Variants in FAXC observed in about 807,000 individuals in gnomAD.
The protein encoded by FAXC is failed axon connections homolog, metaxin like GST domain containing.
Under a neutral mutation model 41.9 loss-of-function variants are expected in FAXC, and 10 were observed. That is an observed-to-expected ratio of 0.24 (90% CI 0.15 to 0.41). The LOEUF (loss-of-function observed/expected upper bound fraction) is 0.41, where lower values mean the gene tolerates loss of function less well. FAXC is among the 10% of genes least tolerant of loss of function. The pLI, the probability that FAXC is intolerant of heterozygous loss-of-function variation, is 1.00. For missense variants in FAXC, 399 were observed against 510.9 expected, an observed-to-expected ratio of 0.78 and a Z score of 2.11; for synonymous variants, 183 against 183.8, an observed-to-expected ratio of 1.00 and a Z score of 0.03.
At chr6:99,309,826 G>A (rs1582648889) in intron 4 of FAXC, 4 of 760,332 alleles carry the variant, frequency 5.3e-6, no homozygotes, top group Non-Finnish European at 6.4e-6. Flanking sequence ...GTAAGAGGGT[G>A]AGGTACTCAC....
Position 99,333,431 on chromosome 6 carries a change from C to T in FAXC, c.519G>A (p.Val173=), listed in dbSNP as rs1431945822. Residue 173 remains valine (V), a synonymous_variant, in exon 3 of 6, where the codon GTG becomes GTA. Coordinates refer to ENST00000389677, the MANE Select transcript of FAXC (RefSeq NM_032511.4). ...IIDFLEEKLG[V]NLNKNLGPHE... is the part of the protein sequence containing the mutation. Reference sequence around the variant, plus strand: ...GAGGGCCAAGGTTTTTGTTTAAATTCACTCCAAGCTTCTCTTCCAGAAAGT... The same window carrying T: ...GAGGGCCAAGGTTTTTGTTTAAATTTACTCCAAGCTTCTCTTCCAGAAAGT... 1.2e-6 allele frequency: 2 copies of T among 1,614,024 alleles called. No individual in the cohort carries two copies. Among genetic ancestry groups the T allele is most frequent in the African/African-American group, 1.3e-5 (1 of 74,920 alleles).
rs1770523111 is a variant in FAXC at position 99,274,298 on chromosome 6, T to C, written c.*6866A>G. ...TATCCATAGACAATCCTTCCCTACATAGATTGCACTTGTTTTTGATTTATA... is the reference window on the plus strand; with the variant it reads ...TATCCATAGACAATCCTTCCCTACACAGATTGCACTTGTTTTTGATTTATA... On this transcript the variant is annotated 3_prime_UTR_variant, in exon 6 of 6. Transcript: ENST00000389677. 6.6e-6 allele frequency: 1 copy of C among 152,200 alleles called. No individual in the cohort carries two copies. The highest frequency in any genetic ancestry group is 1.5e-5 in the Non-Finnish European group (1 of 68,036). 9.4% of individuals were successfully genotyped at this position (152,200 alleles called of 1,614,324 possible). A position where few individuals can be genotyped will look rare whatever the true frequency, so the allele number is the denominator to read the frequency against.
intron 4 of FAXC, among the ~76,000 whole-genome samples, chr6:99,319,865 A>G (rs922206064): frequency 1.3e-5 from 2 of 152,220 alleles, no homozygotes; most frequent in African/African-American, 2.4e-5. Flanking sequence ...TTAGCTTTGT[A>G]TCCTTCGTAA....
chr6:99,340,258 G>A lies in FAXC; in HGVS notation c.402+2640C>T, dbSNP rs558259970. Among the ~76,000 whole-genome samples, 40 of 151,438 alleles carry A rather than the reference G, an allele frequency of 2.6e-4. 1 individual carries two copies. Among genetic ancestry groups the A allele is most frequent in the Middle Eastern group, 3.4e-3 (1 of 292 alleles). The stretch of plus-strand genomic sequence containing the variant: ...GGGATTACAGGCACACGCCACTACC[G>A]CCCAGCTAATTTTTGTATTTTTAAT... On this transcript the variant is annotated intron_variant, in intron 2 of 5. Coordinates refer to ENST00000389677, the MANE Select transcript of FAXC (RefSeq NM_032511.4).
intron 4 of FAXC, among the ~76,000 whole-genome samples, chr6:99,311,346 G>A (rs924956373): frequency 2.0e-5 from 3 of 152,182 alleles, no homozygotes; most frequent in Non-Finnish European, 4.4e-5. Context: ...GGAGGCCGAG[G>A]TGGGTGGATC....
chr6:99,273,340 A>G lies in FAXC; in HGVS notation c.*7824T>C, dbSNP rs1770481346. ...AAGACACAAGATTATAAACAAATAGAAAAAAAGACATGTAATCAGTGAGAT... is the reference window on the plus strand; with the variant it reads ...AAGACACAAGATTATAAACAAATAGGAAAAAAGACATGTAATCAGTGAGAT... On this transcript the variant is annotated 3_prime_UTR_variant, in exon 6 of 6. Coordinates refer to ENST00000389677, the MANE Select transcript of FAXC (RefSeq NM_032511.4). The G allele has an allele frequency of 6.6e-6, 1 of 152,102 alleles. No homozygotes were observed. The highest frequency in any genetic ancestry group is 2.1e-4 in the South Asian group (1 of 4,800). 9.4% of individuals were successfully genotyped at this position (152,102 alleles called of 1,614,324 possible).
At chr6:99,287,276 A>T (rs942328854) in intron 5 of FAXC, among the ~76,000 whole-genome samples, 10 of 152,224 alleles carry the variant, frequency 6.6e-5, no homozygotes, top group South Asian at 2.1e-4. Flanking sequence ...CAGCTTAAAA[A>T]ATATATATAT....
chr6:99,320,594 A>G (rs957031455), intron 4 of FAXC, among the ~76,000 whole-genome samples: 1 of 152,090 alleles, frequency 6.6e-6, no homozygotes, highest in African/African-American at 2.4e-5. Context: ...CTTCTCTCTT[A>G]TTCTCAGCAA....
intron 4 of FAXC, among the ~76,000 whole-genome samples, chr6:99,317,354 G>T (rs1430042176): frequency 2.6e-5 from 4 of 151,978 alleles, no homozygotes; most frequent in Non-Finnish European, 2.9e-5. Flanking sequence ...CAGTGATAAT[G>T]CTCCACATTT....
chr6:99,307,287 A>G (rs1050143709), intron 4 of FAXC, among the ~76,000 whole-genome samples: 9 of 152,148 alleles, frequency 5.9e-5, no homozygotes, highest in Non-Finnish European at 1.0e-4. Flanking sequence ...GGAAAGCAGG[A>G]GACAGGACAG....
At chr6:99,339,906 T>C (rs975840060) in intron 2 of FAXC, among the ~76,000 whole-genome samples, 5 of 152,012 alleles carry the variant, frequency 3.3e-5, no homozygotes, top group Non-Finnish European at 5.9e-5. Context: ...GGAAATATTT[T>C]AACAAAATTG....
intron 5 of FAXC, 32 bp from the exon 6 acceptor site, chr6:99,281,485 T>C: frequency 6.5e-7 from 1 of 1,537,414 alleles, no homozygotes; most frequent in Non-Finnish European, 8.9e-7. Flanking sequence ...AAGGATTAGT[T>C]CTCAAAGGCA....
intron 5 of FAXC, among the ~76,000 whole-genome samples, chr6:99,285,025 T>TTA (rs1770978067): frequency 6.7e-6 from 1 of 148,150 alleles, no homozygotes; most frequent in South Asian, 2.1e-4. Context: ...ACTTGACTGG[T>TTA]AAAAAAAAAA....
At chr6:99,332,777 C>T (rs1193166137) in intron 3 of FAXC, among the ~76,000 whole-genome samples, 1 of 152,126 alleles carries the variant, frequency 6.6e-6, no homozygotes, top group Non-Finnish European at 1.5e-5. Flanking sequence ...TCTTCCATTC[C>T]CTCCTCTGAG....
At chr6:99,283,140 C>T (rs1217551453) in intron 5 of FAXC, among the ~76,000 whole-genome samples, 4 of 152,130 alleles carry the variant, frequency 2.6e-5, no homozygotes, top group Non-Finnish European at 4.4e-5. Flanking sequence ...TCTGTCACTA[C>T]TCTATCTTAT....
chr6:99,315,252 AAAAAAAAAAAC>A (rs1238310065), intron 4 of FAXC, among the ~76,000 whole-genome samples: 1,666 of 138,774 alleles, frequency 0.012, 126 homozygotes, highest in African/African-American at 0.043. Context: ...AAAAAAAAAA[AAAAAAAAAAAC>A]CAGTAAATGT....
intron 5 of FAXC, among the ~76,000 whole-genome samples, chr6:99,288,205 G>A (rs1562150805): frequency 6.6e-6 from 1 of 152,160 alleles, no homozygotes; most frequent in African/African-American, 2.4e-5. Context: ...ACTGATAATG[G>A]GGTCCCTAAA....
intron 1 of FAXC, among the ~76,000 whole-genome samples, chr6:99,347,379 G>T (rs576687613): frequency 2.4e-4 from 35 of 148,382 alleles, no homozygotes; most frequent in African/African-American, 8.3e-4. Context: ...TCCAACATGG[G>T]CGACAAAGCG....
chr6:99,330,229 G>A (rs1772982720), intron 3 of FAXC, among the ~76,000 whole-genome samples: 2 of 152,126 alleles, frequency 1.3e-5, no homozygotes, highest in Middle Eastern at 3.4e-3. Flanking sequence ...ACCCATATGG[G>A]GTTGAAAGAC....
Sources: allele counts gnomAD v4.1 joint callset (sites outside exome capture counted in the v4.1 genomes callset), GRCh38; gene constraint gnomAD v4.1.1; transcripts MANE v1.5; gene names NCBI Gene and HGNC (gene_info 2026-07-23, HGNC 2026-07-21).